OCIAD1: variants seen among roughly 807,000 people sequenced by gnomAD.
The protein encoded by OCIAD1 is OCIA domain containing 1.
Under a neutral mutation model 38.9 loss-of-function variants are expected in OCIAD1, and 29 were observed. The ratio of observed to expected loss-of-function variants is 0.74; its 90% CI spans 0.55 to 1.02. The LOEUF is 1.02. OCIAD1 is among the 50% of genes least tolerant of loss of function. The pLI is 0.00. For synonymous variants in OCIAD1, 110 were observed against 92.0 expected (o/e 1.20, Z -1.12); for missense variants, 288 against 289.6 (o/e 0.99, Z 0.04).
rs1315143294 is a variant in OCIAD1 at position 48,848,100 on chromosome 4, T to C, written c.194-299T>C. 3.3e-5 allele frequency among the ~76,000 whole-genome samples: 5 copies of C among 152,088 alleles called. No individual in the cohort carries two copies. The East Asian group carries it at 9.6e-4, about 29-fold the overall frequency. On this transcript the variant is annotated intron_variant, in intron 4 of 8. Coordinates refer to ENST00000264312, the MANE Select transcript of OCIAD1 (RefSeq NM_017830.4). ...ATTCTGTCTTCTAAAAAATGTTTGT[T>C]TTTTTGTTTGTTGTTGGTATAAACA... is the stretch of plus-strand genomic sequence containing the variant.
chr4:48,816,278 A>C (rs778887769), intron 1 of OCIAD1, among the ~76,000 whole-genome samples: 25 of 152,254 alleles, frequency 1.6e-4, no homozygotes, highest in African/African-American at 3.1e-4. Context: ...CATTAGAATA[A>C]ACTGGAGGCG....
At chr4:48,806,694 C>T (rs1475268260) in intron 1 of OCIAD1, among the ~76,000 whole-genome samples, 1 of 152,154 alleles carries the variant, frequency 6.6e-6, no homozygotes, top group Non-Finnish European at 1.5e-5. Context: ...AAACCTCTGC[C>T]TCCCAGGTTC....
rs1423343980 is a variant in OCIAD1 at position 48,857,283 on chromosome 4, CAG to C, written c.623_624del (p.Glu208ValfsTer3). ...CATATGAGGAATTAAGGAATAAGAACAGAGAGTCATATGAAGTATCTTTAACA... is the reference window on the plus strand; with the variant it reads ...CATATGAGGAATTAAGGAATAAGAACAGAGTCATATGAAGTATCTTTAACA... Reference protein sequence around the residue: ...ITYEELRNKNRESYEVSLTQK... With the variant: ...ITYEELRNKNXESYEVSLTQK... On this transcript the variant is annotated frameshift_variant, in exon 8 of 9. Transcript: ENST00000264312. LOFTEE classifies it high-confidence loss of function. 1.3e-6 allele frequency: 2 copies of C among 1,597,780 alleles called. No individual in the cohort carries two copies. Among genetic ancestry groups the C allele is most frequent in the African/African-American group, 1.3e-5 (1 of 74,184 alleles).
At chr4:48,855,530 G>A (rs1222382565) in intron 7 of OCIAD1, among the ~76,000 whole-genome samples, 2 of 152,148 alleles carry the variant, frequency 1.3e-5, no homozygotes, top group Non-Finnish European at 2.9e-5. Flanking sequence ...GTTTATGGTT[G>A]AAAATGGCTG....
At chr4:48,819,740 A>AAAAAAAAAAAAAAAAAAAAC (rs1381189214) in intron 1 of OCIAD1, among the ~76,000 whole-genome samples, 1 of 145,454 alleles carries the variant, frequency 6.9e-6, no homozygotes, top group Non-Finnish European at 1.5e-5. Context: ...AAAAAAAAAA[A>AAAAAAAAAAAAAAAAAAAAC]AAAAGGAGGG....
intron 3 of OCIAD1, among the ~76,000 whole-genome samples, 181 bp from the exon 4 acceptor site, chr4:48,842,455 G>T (rs1409646980): frequency 1.3e-5 from 2 of 152,106 alleles, no homozygotes; most frequent in Admixed American, 6.5e-5. Context: ...AATTTAAAAT[G>T]CTCCTTTAAT....
intron 3 of OCIAD1, among the ~76,000 whole-genome samples, chr4:48,838,606 T>G (rs905037410): frequency 6.6e-6 from 1 of 152,198 alleles, no homozygotes; most frequent in African/African-American, 2.4e-5. Flanking sequence ...CATTTGTACT[T>G]TCGAATTAGA....
At chr4:48,813,392 G>A (rs1277514856) in intron 1 of OCIAD1, among the ~76,000 whole-genome samples, 1 of 152,224 alleles carries the variant, frequency 6.6e-6, no homozygotes, top group Non-Finnish European at 1.5e-5. Context: ...GGTGGCTCAC[G>A]CCTGTAATCC....
rs117085081 is a variant in OCIAD1 at position 48,859,149 on chromosome 4, A to G, written c.701-1576A>G. On this transcript the variant is annotated intron_variant, in intron 8 of 8. Coordinates refer to ENST00000264312, the MANE Select transcript of OCIAD1 (RefSeq NM_017830.4). ...TTTAGAGCTAATTTTATTTTTAATC[A>G]TTAGCGGTTGCTTCGTTTGGAGTTC... 6.4e-4 allele frequency among the ~76,000 whole-genome samples: 97 copies of G among 152,288 alleles called. No individual in the cohort carries two copies. The East Asian group carries it at 0.014, about 22-fold the overall frequency.
chr4:48,845,274 G>A (rs1211554580), intron 4 of OCIAD1, among the ~76,000 whole-genome samples: 1 of 152,188 alleles, frequency 6.6e-6, no homozygotes, highest in East Asian at 1.9e-4. Flanking sequence ...ATTGCAGTCA[G>A]TGTGAGACTA....
At chr4:48,815,642 A>T (rs542080027) in intron 1 of OCIAD1, among the ~76,000 whole-genome samples, 1 of 152,224 alleles carries the variant, frequency 6.6e-6, no homozygotes, top group Admixed American at 6.5e-5. Flanking sequence ...GATAATGTAG[A>T]CAGGGCTATC....
intron 3 of OCIAD1, among the ~76,000 whole-genome samples, chr4:48,834,469 A>T (rs954460911): frequency 1.3e-5 from 2 of 151,638 alleles, no homozygotes; most frequent in Admixed American, 6.6e-5. Flanking sequence ...TGCCTGGCAA[A>T]TTTTTTTTTA....
intron 1 of OCIAD1, among the ~76,000 whole-genome samples, chr4:48,816,394 A>T (rs1309489774): frequency 1.3e-5 from 2 of 152,168 alleles, no homozygotes; most frequent in Non-Finnish European, 2.9e-5. Flanking sequence ...TTAGCTGGGC[A>T]TGGTGGCACA....
chr4:48,846,593 A>G (rs1411217995), intron 4 of OCIAD1, among the ~76,000 whole-genome samples: 1 of 152,076 alleles, frequency 6.6e-6, no homozygotes, highest in Non-Finnish European at 1.5e-5. Context: ...CTAAAAATAC[A>G]AAAAATTAAC....
intron 8 of OCIAD1, among the ~76,000 whole-genome samples, chr4:48,860,376 G>C (rs1780494899): frequency 6.6e-6 from 1 of 150,558 alleles, no homozygotes. Flanking sequence ...AAGATGTAAA[G>C]GTACCTAGGC....
upstream of OCIAD1, among the ~76,000 whole-genome samples, chr4:48,827,407 G>A (rs1359588413): frequency 1.3e-5 from 2 of 152,132 alleles, no homozygotes; most frequent in Non-Finnish European, 2.9e-5. Flanking sequence ...TAATCCAGGT[G>A]GATCGATTTC....
chr4:48,811,868 T>C (rs190267204), intron 1 of OCIAD1, among the ~76,000 whole-genome samples: 17 of 152,318 alleles, frequency 1.1e-4, no homozygotes, highest in African/African-American at 3.8e-4. Flanking sequence ...TTCATTTTTT[T>C]TTTCTGTTGT....
At chr4:48,816,489 C>T (rs1189759497) in intron 1 of OCIAD1, among the ~76,000 whole-genome samples, 5 of 148,888 alleles carry the variant, frequency 3.4e-5, no homozygotes, top group Admixed American at 6.7e-5. Flanking sequence ...TCTGAGATCA[C>T]GCCACTGCAC....
At chr4:48,852,881 TG>T (rs1779630933) in intron 7 of OCIAD1, among the ~76,000 whole-genome samples, 3 of 146,872 alleles carry the variant, frequency 2.0e-5, no homozygotes, top group Admixed American at 1.3e-4. Context: ...TTTTGTTTTT[TG>T]TTTTTTTTTT....
Sources: gnomAD v4.1 joint callset for allele counts (sites outside exome capture counted in the v4.1 genomes callset) on GRCh38, gnomAD v4.1.1 for gene constraint, MANE v1.5 for transcripts, NCBI Gene and HGNC (gene_info 2026-07-23, HGNC 2026-07-21) for gene names.